Variants in LPIN2 observed in about 807,000 individuals in gnomAD.
The protein encoded by LPIN2 is phosphatidate phosphatase LPIN2.
In LPIN2, 55 loss-of-function variants were observed where a neutral mutation model predicts 111.4. The ratio of observed to expected loss-of-function variants is 0.49; its 90% CI spans 0.40 to 0.62. LPIN2 has a LOEUF of 0.62. Ranked by LOEUF, LPIN2 falls within the 20% of genes least tolerant of loss-of-function variation. LPIN2 has a pLI of 0.00. For synonymous variants in LPIN2, 425 were observed against 414.0 expected (o/e 1.03, Z -0.32); for missense variants, 992 against 1,112.1 (o/e 0.89, Z 1.54).
chr18:2,955,374 G>T (rs1568566936), intron 2 of LPIN2, among the ~76,000 whole-genome samples: 1 of 151,970 alleles, frequency 6.6e-6, no homozygotes, highest in South Asian at 2.1e-4. Context: ...GTGAGAGCAG[G>T]TGCAAGAGAC....
intron 2 of LPIN2, among the ~76,000 whole-genome samples, chr18:2,957,019 T>G (rs1278830974): frequency 6.6e-6 from 1 of 152,258 alleles, no homozygotes; most frequent in African/African-American, 2.4e-5. Flanking sequence ...AAAAGGACAC[T>G]AATTTGATGT....
At chr18:2,957,177 G>C (rs190280100) in intron 2 of LPIN2, among the ~76,000 whole-genome samples, 6 of 152,298 alleles carry the variant, frequency 3.9e-5, no homozygotes, top group Admixed American at 6.5e-5. Flanking sequence ...CGATGTACTA[G>C]ACTTTTGAAC....
chr18:2,978,406 G>C (rs1468655191), intron 1 of LPIN2, among the ~76,000 whole-genome samples: 1 of 152,086 alleles, frequency 6.6e-6, no homozygotes, highest in Non-Finnish European at 1.5e-5. Context: ...CACTGAAAAG[G>C]ACTTTTGAGG....
Position 3,005,910 on chromosome 18 carries a change from T to G in LPIN2, c.-10+7177A>C, listed in dbSNP as rs537299068. On this transcript the variant is annotated intron_variant, in intron 1 of 19. Coordinates refer to ENST00000677752, the MANE Select transcript of LPIN2 (RefSeq NM_001375808.2). ...TCATAATGAAGTAAAAACAAAACGCTAAAATTGACTTAGGGATGATAAAGC... is the reference window on the plus strand; with the variant it reads ...TCATAATGAAGTAAAAACAAAACGCGAAAATTGACTTAGGGATGATAAAGC... Among the ~76,000 whole-genome samples the G allele has an allele frequency of 8.5e-5, 13 of 152,142 alleles. No individual in the cohort carries two copies. In the East Asian group the frequency reaches 2.5e-3, roughly 29 times the overall value.
intron 3 of LPIN2, among the ~76,000 whole-genome samples, chr18:2,951,958 T>C (rs1428579176): frequency 6.6e-6 from 1 of 152,184 alleles, no homozygotes; most frequent in Non-Finnish European, 1.5e-5. Context: ...AAATAAGAAA[T>C]ATTCCTTCCT....
intron 1 of LPIN2, chr18:2,982,739 C>T: frequency 7.7e-7 from 1 of 1,303,072 alleles, no homozygotes; most frequent in Non-Finnish European, 1.0e-6. Context: ...CAAACCACCT[C>T]ATCTTCCTTG....
intron 11 of LPIN2, among the ~76,000 whole-genome samples, 174 bp from the exon 12 acceptor site, chr18:2,927,985 G>A (rs779773524): frequency 3.3e-5 from 5 of 152,132 alleles, no homozygotes; most frequent in Non-Finnish European, 7.3e-5. Context: ...GACAGACCCC[G>A]TCCTGCTTTC....
At chr18:2,946,741 A>T in intron 4 of LPIN2, 1 of 546,728 alleles carries the variant, frequency 1.8e-6, no homozygotes, top group Non-Finnish European at 3.3e-6. Context: ...ATTCACTGGT[A>T]GTATGGAACA....
chr18:2,961,154 T>C (rs755748575), intron 1 of LPIN2, among the ~76,000 whole-genome samples: 2 of 152,100 alleles, frequency 1.3e-5, no homozygotes, highest in Non-Finnish European at 2.9e-5. Flanking sequence ...TTCCCCAAAG[T>C]TCAGGATCAG....
In LPIN2 at chr18:2,920,450, T is replaced by G; in HGVS notation, c.2547-13A>C. The stretch of plus-strand genomic sequence containing the variant: ...CAGCCTGTGATACCTAAGAGAAAGG[T>G]TGGGGAAGAGGCACAGGCTATTACT... On this transcript the variant is annotated splice_polypyrimidine_tract_variant and intron_variant, in intron 19 of 19. Transcript: ENST00000677752. The G allele has an allele frequency of 4.3e-6, 7 of 1,613,326 alleles. No homozygotes were observed. The highest frequency in any genetic ancestry group is 5.1e-6 in the Non-Finnish European group (6 of 1,179,976).
At chr18:2,956,769 C>A (rs1185892397) in intron 2 of LPIN2, among the ~76,000 whole-genome samples, 1 of 152,202 alleles carries the variant, frequency 6.6e-6, no homozygotes, top group Non-Finnish European at 1.5e-5. Context: ...CACTTCACAG[C>A]CCTTACTTTT....
chr18:3,002,095 G>A (rs2078442106), intron 1 of LPIN2, among the ~76,000 whole-genome samples: 1 of 151,948 alleles, frequency 6.6e-6, no homozygotes. Flanking sequence ...CTTGGGACAG[G>A]GAGATGTCCT....
rs748423581 is a variant in LPIN2, at chr18:2,946,282, T to C, written c.590+4773A>G. On this transcript the variant is annotated intron_variant, in intron 4 of 19. Coordinates refer to ENST00000677752, the MANE Select transcript of LPIN2 (RefSeq NM_001375808.2). ...CCTGAAATTTTGGTTTTAATTCAGA[T>C]AGTTCCTTCTCCTCAGTAGTCTTGA... 3.3e-6 allele frequency: 5 copies of C among 1,524,910 alleles called. No individual in the cohort carries two copies. The East Asian group carries it at 9.0e-5, about 27-fold the overall frequency. 94.5% of individuals were successfully genotyped at this position (1,524,910 alleles called of 1,614,324 possible). A position where few individuals can be genotyped will look rare whatever the true frequency, so the allele number is the denominator to read the frequency against.
At chr18:2,929,725 G>C (rs1019478110) in intron 9 of LPIN2, among the ~76,000 whole-genome samples, 10 of 152,154 alleles carry the variant, frequency 6.6e-5, no homozygotes, top group African/African-American at 2.4e-4. Flanking sequence ...GGCCAATACG[G>C]TGAAAACCCA....
rs191997712 is a variant in LPIN2 at position 2,923,701 on chromosome 18, T to A, written c.2174+74A>T. On this transcript the variant is annotated intron_variant, in intron 16 of 19. Coordinates refer to ENST00000677752, the MANE Select transcript of LPIN2 (RefSeq NM_001375808.2). Reference sequence around the variant, plus strand: ...ACATGACTCATGTGGACTGAAGACTTACACCATTGTTCTATAGTTCTTAAA... The same window carrying A: ...ACATGACTCATGTGGACTGAAGACTAACACCATTGTTCTATAGTTCTTAAA... 2,882 of 1,229,410 alleles carry A rather than the reference T, an allele frequency of 2.3e-3. 7 individuals carry two copies. The highest frequency in any genetic ancestry group is 2.7e-3 in the Non-Finnish European group (2,225 of 830,812). The allele number at this position is 1,229,410 out of a possible 1,614,324, so 76.2% of individuals were successfully genotyped here.
intron 1 of LPIN2, among the ~76,000 whole-genome samples, chr18:3,012,423 G>A (rs919461938): frequency 2.0e-5 from 3 of 152,214 alleles, no homozygotes; most frequent in African/African-American, 4.8e-5. Context: ...GGCGTTAGAA[G>A]TGGACAGAGA....
chr18:2,943,817 CT>C (rs1443679845), intron 4 of LPIN2, among the ~76,000 whole-genome samples: 1 of 152,116 alleles, frequency 6.6e-6, no homozygotes, highest in South Asian at 2.1e-4. Context: ...GTTGCCAGAT[CT>C]TTTTGTTTTT....
intron 12 of LPIN2, among the ~76,000 whole-genome samples, chr18:2,927,311 A>G (rs529239953): frequency 1.3e-5 from 2 of 152,364 alleles, no homozygotes; most frequent in African/African-American, 2.4e-5. Flanking sequence ...ATGAATTTCT[A>G]TGGAGACCTG....
intron 1 of LPIN2, among the ~76,000 whole-genome samples, chr18:3,000,769 G>GT (rs2078422871): frequency 1.3e-5 from 2 of 152,312 alleles, no homozygotes; most frequent in South Asian, 4.1e-4. Flanking sequence ...AAGGCCAGGG[G>GT]TAAGGATTCA....
Sources: allele counts gnomAD v4.1 joint callset (sites outside exome capture counted in the v4.1 genomes callset), GRCh38; gene constraint gnomAD v4.1.1; transcripts MANE v1.5; gene names NCBI Gene and HGNC (gene_info 2026-07-23, HGNC 2026-07-21).